The following ZNF148 variants were observed in gnomAD, a reference collection of about 807,000 sequenced individuals.
The protein encoded by ZNF148 is zinc finger protein 148.
A neutral mutation model predicts 67.7 loss-of-function variants in ZNF148; 7 were observed. That is an observed-to-expected ratio of 0.10 (90% CI 0.06 to 0.19). The LOEUF is 0.19. Among genes scored for constraint, ZNF148 ranks in the 10% least tolerant of loss-of-function variants. The pLI is 1.00. For missense variants in ZNF148, 583 were observed against 947.1 expected (o/e 0.62, Z 5.05); for synonymous variants, 333 against 330.7 (o/e 1.01, Z -0.08).
chr3:125,322,568 TTTC>T (rs1030534735), intron 3 of ZNF148, among the ~76,000 whole-genome samples: 4 of 152,136 alleles, frequency 2.6e-5, no homozygotes, highest in African/African-American at 4.8e-5. Flanking sequence ...CCCTTCTCTT[TTTC>T]TTCTTATTAG....
intron 2 of ZNF148, among the ~76,000 whole-genome samples, chr3:125,323,971 A>G (rs1298567890): frequency 3.3e-5 from 5 of 151,644 alleles, no homozygotes; most frequent in Non-Finnish European, 5.9e-5. Flanking sequence ...AAAAAAAAAA[A>G]AGGAAAAAAG....
At chr3:125,252,357 TA>T (rs374138677) in intron 7 of ZNF148, among the ~76,000 whole-genome samples, 12,603 of 100,026 alleles carry the variant, frequency 0.13, 702 homozygotes, top group Non-Finnish European at 0.24. Context: ...GTTTCATTAT[TA>T]AAAAAAAAGA....
intron 3 of ZNF148, among the ~76,000 whole-genome samples, chr3:125,316,873 T>A (rs1940520876): frequency 6.6e-6 from 1 of 152,188 alleles, no homozygotes; most frequent in African/African-American, 2.4e-5. Flanking sequence ...TTTAAATTAA[T>A]CTTATGCCTA....
chr3:125,276,136 T>G (rs1358043821), intron 7 of ZNF148, among the ~76,000 whole-genome samples: 1 of 152,202 alleles, frequency 6.6e-6, no homozygotes, highest in East Asian at 1.9e-4. Context: ...GTTGAATGAA[T>G]GAGTAAAATA....
intron 5 of ZNF148, among the ~76,000 whole-genome samples, chr3:125,282,437 C>CT (rs1938441696): frequency 6.6e-6 from 1 of 152,116 alleles, no homozygotes; most frequent in Non-Finnish European, 1.5e-5. Flanking sequence ...TGCTAGACAT[C>CT]TTCAGATGCT....
intron 1 of ZNF148, among the ~76,000 whole-genome samples, chr3:125,334,602 T>C (rs1376481380): frequency 1.3e-5 from 2 of 152,192 alleles, no homozygotes; most frequent in African/African-American, 4.8e-5. Context: ...ACTACAGGTA[T>C]TAAATCACTT....
At chr3:125,364,351 A>G (rs7428004) in intron 1 of ZNF148, among the ~76,000 whole-genome samples, 42,281 of 152,138 alleles carry the variant, frequency 0.28, 6,365 homozygotes, top group Middle Eastern at 0.37. Flanking sequence ...GTGAGCAGAC[A>G]TCGCACCACT....
At chr3:125,360,828 T>A (rs932790493) in intron 1 of ZNF148, among the ~76,000 whole-genome samples, 10 of 148,052 alleles carry the variant, frequency 6.8e-5, no homozygotes, top group African/African-American at 2.0e-4. Flanking sequence ...AAAAAAAAAA[T>A]TAAAATTAAA....
chr3:125,352,698 C>A (rs1360162964), intron 1 of ZNF148, among the ~76,000 whole-genome samples: 1 of 147,900 alleles, frequency 6.8e-6, no homozygotes, highest in Non-Finnish European at 1.5e-5. Flanking sequence ...TCAAATTCAA[C>A]TATAGGTTTA....
In ZNF148 at chr3:125,280,619, T is replaced by C. The variant is rs557618133; in HGVS notation, c.460-1372A>G. Among the ~76,000 whole-genome samples the C allele has an allele frequency of 2.7e-5, 4 of 150,362 alleles. No homozygotes were observed. In the East Asian group the frequency reaches 7.8e-4, roughly 29 times the overall value. On this transcript the variant is annotated intron_variant, in intron 5 of 8. Transcript: ENST00000360647. ...ATCACTTGGGCCAGGAGGTCAAGGC[T>C]GCAATGAGCCATCATCATGCCACTG... is the stretch of plus-strand genomic sequence containing the variant.
intron 1 of ZNF148, among the ~76,000 whole-genome samples, chr3:125,346,500 A>T (rs539267214): frequency 6.6e-6 from 1 of 152,238 alleles, no homozygotes; most frequent in East Asian, 1.9e-4. Flanking sequence ...ACCCCACCCA[A>T]ATTTGATCTC....
chr3:125,324,907 A>G (rs1012394474), intron 2 of ZNF148, among the ~76,000 whole-genome samples: 2 of 152,128 alleles, frequency 1.3e-5, no homozygotes, highest in African/African-American at 2.4e-5. Flanking sequence ...ATATTCATGT[A>G]TATCTCTTTT....
At position 125,370,535 on chromosome 3, in the gene ZNF148, T is replaced by C. The variant is rs145782847; in HGVS notation, c.-234+4567A>G. Among the ~76,000 whole-genome samples, 734 of 152,314 alleles carry C rather than the reference T, an allele frequency of 4.8e-3. 7 individuals are homozygous for C. Among genetic ancestry groups the C allele is most frequent in the Non-Finnish European group, 6.5e-3 (445 of 68,024 alleles). On this transcript the variant is annotated intron_variant, in intron 1 of 8. Transcript: ENST00000360647. The stretch of plus-strand genomic sequence containing the variant: ...ACCATTTGCAAAACAAAGAGAATAA[T>C]TGTCACAAATACAAAATTTAGCAAT...
chr3:125,314,745 G>T (rs1254999311), intron 3 of ZNF148, among the ~76,000 whole-genome samples: 1 of 152,090 alleles, frequency 6.6e-6, no homozygotes, highest in Non-Finnish European at 1.5e-5. Flanking sequence ...AAATCTTTAG[G>T]TAGTAAAGTT....
At chr3:125,257,432 T>C (rs1363486882) in intron 7 of ZNF148, among the ~76,000 whole-genome samples, 1 of 151,968 alleles carries the variant, frequency 6.6e-6, no homozygotes, top group Non-Finnish European at 1.5e-5. Flanking sequence ...GGCGTGCACC[T>C]GTAGTCCCAG....
chr3:125,282,353 T>G (rs144944917), intron 5 of ZNF148, among the ~76,000 whole-genome samples: 2 of 152,342 alleles, frequency 1.3e-5, no homozygotes, highest in Non-Finnish European at 2.9e-5. Flanking sequence ...TCTTTGCTTT[T>G]CTTTTTTCCC....
At chr3:125,367,983 C>A (rs919191504) in intron 1 of ZNF148, among the ~76,000 whole-genome samples, 8 of 152,138 alleles carry the variant, frequency 5.3e-5, no homozygotes, top group African/African-American at 1.9e-4. Flanking sequence ...AAAATAGATC[C>A]AGACTCTAGG....
intron 1 of ZNF148, among the ~76,000 whole-genome samples, chr3:125,347,567 TTA>T (rs1436052568): frequency 9.5e-4 from 65 of 68,758 alleles, no homozygotes; most frequent in African/African-American, 3.8e-3. Flanking sequence ...ATTTTATGTA[TTA>T]TTTTTTTTTT....
At chr3:125,279,003 A>G (rs1938223849) in intron 6 of ZNF148, 121 bp downstream of exon 6, 1 of 1,098,646 alleles carries the variant, frequency 9.1e-7, no homozygotes, top group East Asian at 2.8e-5. Flanking sequence ...GGCCTACAAA[A>G]TCTCTGATTT....
Sources: allele counts gnomAD v4.1 joint callset (sites outside exome capture counted in the v4.1 genomes callset), GRCh38; gene constraint gnomAD v4.1.1; transcripts MANE v1.5; gene names NCBI Gene and HGNC (gene_info 2026-07-23, HGNC 2026-07-21).